Variants in LRRTM3 observed in about 807,000 individuals in gnomAD.
LRRTM3 encodes the protein leucine-rich repeat transmembrane neuronal protein 3.
In LRRTM3, 24 loss-of-function variants were observed where a neutral mutation model predicts 44.7. The ratio of observed to expected loss-of-function variants is 0.54; its 90% CI spans 0.39 to 0.76. LRRTM3 has a LOEUF of 0.76. LRRTM3 is among the 30% of genes least tolerant of loss of function. LRRTM3 has a pLI of 0.00. For missense variants in LRRTM3, 587 were observed against 702.2 expected, an observed-to-expected ratio of 0.84 and a Z score of 1.85; for synonymous variants, 277 against 278.7, an observed-to-expected ratio of 0.99 and a Z score of 0.06.
chr10:66,950,754 T>C (rs12246143), intron 2 of LRRTM3, among the ~76,000 whole-genome samples: 2,833 of 152,274 alleles, frequency 0.019, 79 homozygotes, highest in African/African-American at 0.065. Flanking sequence ...GCTGCAACTA[T>C]TTAATCCTTA....
chr10:66,999,954 G>C (rs1851580833), intron 2 of LRRTM3, among the ~76,000 whole-genome samples: 1 of 152,186 alleles, frequency 6.6e-6, no homozygotes, highest in African/African-American at 2.4e-5. Flanking sequence ...GATTTTCCCA[G>C]TCACTGCTCT....
chr10:66,930,694 T>G (rs1323065232), intron 2 of LRRTM3, among the ~76,000 whole-genome samples: 2 of 152,172 alleles, frequency 1.3e-5, no homozygotes, highest in Non-Finnish European at 2.9e-5. Context: ...TTGAAAAGCA[T>G]TCCTAAAATT....
At chr10:66,978,654 A>G (rs1011860703) in intron 2 of LRRTM3, among the ~76,000 whole-genome samples, 6 of 149,058 alleles carry the variant, frequency 4.0e-5, no homozygotes, top group Admixed American at 2.7e-4. Flanking sequence ...AGAAAAAAAC[A>G]GAGCTGAAAG....
At chr10:67,097,179 A>G (rs184737101) in intron 2 of LRRTM3, among the ~76,000 whole-genome samples, 2 of 151,938 alleles carry the variant, frequency 1.3e-5, no homozygotes, top group Admixed American at 1.3e-4. Flanking sequence ...AAGTTTGAGA[A>G]TCACTCTTGT....
chr10:67,070,722 G>A (rs1856400725), intron 2 of LRRTM3, among the ~76,000 whole-genome samples: 1 of 151,538 alleles, frequency 6.6e-6, no homozygotes, highest in African/African-American at 2.4e-5. Flanking sequence ...ACTCCAGCCT[G>A]GCAACAGAGC....
intron 2 of LRRTM3, among the ~76,000 whole-genome samples, chr10:67,016,861 A>G (rs930597308): frequency 6.6e-6 from 1 of 152,342 alleles, no homozygotes; most frequent in African/African-American, 2.4e-5. Context: ...AAACACCTCT[A>G]TAACAATATC....
At chr10:67,008,395 C>G (rs1852130663) in intron 2 of LRRTM3, among the ~76,000 whole-genome samples, 1 of 152,062 alleles carries the variant, frequency 6.6e-6, no homozygotes. Context: ...TAGTTGGAAT[C>G]CCTCCATACC....
At chr10:66,965,611 G>C (rs1447137887) in intron 2 of LRRTM3, among the ~76,000 whole-genome samples, 1 of 150,332 alleles carries the variant, frequency 6.7e-6, no homozygotes, top group Non-Finnish European at 1.5e-5. Flanking sequence ...TTTCCCAGGA[G>C]GGCAAGACAG....
intron 2 of LRRTM3, among the ~76,000 whole-genome samples, chr10:66,972,154 AC>A (rs1849757121): frequency 6.6e-6 from 1 of 152,138 alleles, no homozygotes; most frequent in Non-Finnish European, 1.5e-5. Flanking sequence ...CAAATTAACA[AC>A]ATATAGTCAA....
intron 2 of LRRTM3, among the ~76,000 whole-genome samples, chr10:66,951,956 T>C (rs777992529): frequency 6.6e-6 from 1 of 152,160 alleles, no homozygotes; most frequent in Non-Finnish European, 1.5e-5. Flanking sequence ...CAGAACTCTT[T>C]AGATAAACAG....
At chr10:67,013,303 T>C (rs1260015073) in intron 2 of LRRTM3, among the ~76,000 whole-genome samples, 4 of 152,236 alleles carry the variant, frequency 2.6e-5, no homozygotes, top group Admixed American at 6.5e-5. Flanking sequence ...TGTATATCTA[T>C]AATGTTTGCT....
At chr10:66,962,866 C>G (rs1849196218) in intron 2 of LRRTM3, among the ~76,000 whole-genome samples, 1 of 152,112 alleles carries the variant, frequency 6.6e-6, no homozygotes, top group Admixed American at 6.6e-5. Flanking sequence ...ATTTGTTTAT[C>G]TGTCTTGCCC....
At chr10:67,096,518 T>G (rs1251844256) in intron 2 of LRRTM3, among the ~76,000 whole-genome samples, 1 of 151,866 alleles carries the variant, frequency 6.6e-6, no homozygotes, top group East Asian at 1.9e-4. Context: ...GCTTTTATCC[T>G]CCAGAGAATT....
At chr10:66,995,278 C>G (rs563923468) in intron 2 of LRRTM3, among the ~76,000 whole-genome samples, 1 of 152,248 alleles carries the variant, frequency 6.6e-6, no homozygotes, top group Admixed American at 6.5e-5. Context: ...GACACTTTTT[C>G]CTCTCTGTTA....
At chr10:67,001,587 GT>G (rs1395242503) in intron 2 of LRRTM3, among the ~76,000 whole-genome samples, 2 of 152,010 alleles carry the variant, frequency 1.3e-5, no homozygotes, top group African/African-American at 4.8e-5. Flanking sequence ...TCATTACTAT[GT>G]AGAATTACCA....
At chr10:67,032,364 C>G (rs972284135) in intron 2 of LRRTM3, among the ~76,000 whole-genome samples, 1 of 152,082 alleles carries the variant, frequency 6.6e-6, no homozygotes, top group Admixed American at 6.5e-5. Flanking sequence ...GTAAATTTGC[C>G]TACTTTCCTC....
chr10:67,004,304 A>C (rs1851848697), intron 2 of LRRTM3, among the ~76,000 whole-genome samples: 1 of 152,200 alleles, frequency 6.6e-6, no homozygotes, highest in African/African-American at 2.4e-5. Flanking sequence ...GAAAGTCAAA[A>C]CATGGACAAA....
At chr10:66,994,818 C>T (rs1320719184) in intron 2 of LRRTM3, among the ~76,000 whole-genome samples, 1 of 152,126 alleles carries the variant, frequency 6.6e-6, no homozygotes, top group Non-Finnish European at 1.5e-5. Flanking sequence ...AACATCAGTC[C>T]TTTGAGAATT....
intron 2 of LRRTM3, among the ~76,000 whole-genome samples, chr10:67,022,733 C>T (rs964393673): frequency 2.0e-5 from 3 of 151,884 alleles, no homozygotes; most frequent in South Asian, 2.1e-4. Context: ...GTCAGGAGAT[C>T]GAGACCATCC....
Sources: gnomAD v4.1 joint callset for allele counts (sites outside exome capture counted in the v4.1 genomes callset) on GRCh38, gnomAD v4.1.1 for gene constraint, MANE v1.5 for transcripts, NCBI Gene and HGNC (gene_info 2026-07-23, HGNC 2026-07-21) for gene names.